CHEK1: variants seen among roughly 807,000 people sequenced by gnomAD.
CHEK1 encodes checkpoint kinase 1.
CHEK1 carries 32 observed loss-of-function variants against 60.2 expected under a neutral mutation model. The ratio of observed to expected loss-of-function variants is 0.53; its 90% confidence interval spans 0.40 to 0.71. The LOEUF is 0.71. CHEK1 is among the 30% of genes least tolerant of loss of function. The probability of loss-of-function intolerance (pLI) is 0.00; values close to 1 mark genes in which losing one functional copy is unlikely to be tolerated. For missense variants in CHEK1, 399 were observed against 564.6 expected (o/e 0.71, Z 2.97); for synonymous variants, 179 against 187.2 (o/e 0.96, Z 0.36).
intron 5 of CHEK1, 117 bp downstream of exon 5, chr11:125,629,577 C>T: frequency 1.4e-6 from 1 of 721,366 alleles, no homozygotes; most frequent in Admixed American, 3.2e-5. Flanking sequence ...TTTTGCATTA[C>T]TGGAATTTCA....
At chr11:125,666,058 T>C (rs1942093252) in intron 13 of CHEK1, among the ~76,000 whole-genome samples, 1 of 151,464 alleles carries the variant, frequency 6.6e-6, no homozygotes, top group Admixed American at 6.6e-5. Flanking sequence ...AAAAATTTGG[T>C]TCTTTGTTTT....
chr11:125,652,037 C>T (rs1941755733), intron 11 of CHEK1, among the ~76,000 whole-genome samples: 1 of 152,188 alleles, frequency 6.6e-6, no homozygotes, highest in Non-Finnish European at 1.5e-5. Flanking sequence ...TATTAATTTT[C>T]CCAGAACATA....
At chr11:125,657,794 T>C (rs147489732), downstream of CHEK1, among the ~76,000 whole-genome samples, 276 of 152,320 alleles carry the variant, frequency 1.8e-3, 3 homozygotes, top group African/African-American at 6.4e-3. Flanking sequence ...AGGACATTCT[T>C]GTACATGTTC....
At chr11:125,636,771 T>G (rs910157693) in intron 7 of CHEK1, among the ~76,000 whole-genome samples, 3 of 152,112 alleles carry the variant, frequency 2.0e-5, no homozygotes, top group African/African-American at 7.2e-5. Flanking sequence ...TACAAATACT[T>G]TTCACAATTT....
chr11:125,666,673 A>G lies in CHEK1; in HGVS notation c.*28-9255A>G, dbSNP rs1942105405. On this transcript the variant is annotated intron_variant, in intron 13 of 13. Coordinates refer to the CHEK1 transcript ENST00000428830. Reference sequence around the variant, plus strand: ...TATTTGCTTTATATATTTAGGTGCTATGGTGCTGGGTACATGTATATTTAC... The same window carrying G: ...TATTTGCTTTATATATTTAGGTGCTGTGGTGCTGGGTACATGTATATTTAC... 3.3e-5 allele frequency among the ~76,000 whole-genome samples: 5 copies of G among 152,226 alleles called. No homozygotes were observed. In the South Asian group the frequency reaches 6.2e-4, roughly 19 times the overall value.
rs1941887654 is a variant in CHEK1 at position 125,655,818 on chromosome 11, T to C, written c.*498T>C. On this transcript the variant is annotated 3_prime_UTR_variant, in exon 13 of 13. Coordinates refer to ENST00000438015, the MANE Select transcript of CHEK1 (RefSeq NM_001114122.3). ...AACATATCCCCAAGATTTGTACTTA[T>C]ATTTTCAAAAGGGCCTGGCCAGTTA... 1.4e-5 allele frequency: 3 copies of C among 214,246 alleles called. No homozygotes were observed. The highest frequency in any genetic ancestry group is 1.4e-4 in the East Asian group (2 of 14,274). 13.3% of individuals were successfully genotyped at this position (214,246 alleles called of 1,614,324 possible).
chr11:125,662,308 A>C (rs994427692), intron 13 of CHEK1, among the ~76,000 whole-genome samples: 6 of 152,192 alleles, frequency 3.9e-5, no homozygotes, highest in Admixed American at 3.9e-4. Context: ...GGGGCAAAGC[A>C]GCTCTTTAGG....
At chr11:125,680,600 TTTAGCTGCTC>T, downstream of CHEK1, 1 of 809,730 alleles carries the variant, frequency 1.2e-6, no homozygotes, top group South Asian at 1.7e-5. Context: ...GTTGGACTTG[TTTAGCTGCTC>T]TTGATTCTGA....
chr11:125,629,082 A>G, intron 3 of CHEK1, 150 bp from the exon 4 acceptor site: 4 of 672,882 alleles, frequency 5.9e-6, no homozygotes, highest in South Asian at 1.9e-5. Flanking sequence ...GTTAAGCCCC[A>G]TATGTGTTAG....
chr11:125,680,807 A>G (rs201868791), downstream of CHEK1: 113 of 1,597,604 alleles, frequency 7.1e-5, no homozygotes, highest in Middle Eastern at 1.7e-4. Flanking sequence ...AGGGGACCCC[A>G]GTGTGGGCCA....
intron 11 of CHEK1, among the ~76,000 whole-genome samples, chr11:125,647,049 A>T (rs1941531764): frequency 6.6e-6 from 1 of 152,130 alleles, no homozygotes; most frequent in Non-Finnish European, 1.5e-5. Context: ...CTGATGTAAG[A>T]TTGTAAAGAT....
downstream of CHEK1, among the ~76,000 whole-genome samples, chr11:125,657,918 T>G (rs1189654865): frequency 6.6e-6 from 1 of 152,238 alleles, no homozygotes; most frequent in Non-Finnish European, 1.5e-5. Flanking sequence ...GATTAGTGTT[T>G]CCATAGGAGA....
At chr11:125,628,760 T>A (rs1410015148) in intron 3 of CHEK1, among the ~76,000 whole-genome samples, 1 of 152,034 alleles carries the variant, frequency 6.6e-6, no homozygotes, top group Non-Finnish European at 1.5e-5. Context: ...CCAGCCTGGG[T>A]GAAAGAACAA....
chr11:125,681,077 A>AC (rs1333222918), downstream of CHEK1: 1 of 207,804 alleles, frequency 4.8e-6, no homozygotes, highest in Non-Finnish European at 9.5e-6. This position sits in a 1 kb window ranked among gnomAD's most constrained non-coding sequence, Gnocchi z 4.2. Context: ...AAAAAAAAAA[A>AC]AGTATTACCA....
At position 125,643,828 on chromosome 11, in the gene CHEK1, C is replaced by A; in HGVS notation, c.851C>A (p.Ser284Ter). Residue 284 changes from serine (S) to a stop codon, truncating the protein, a stop_gained, in exon 9 of 13, where the codon TCA becomes TAA. Coordinates refer to ENST00000438015, the MANE Select transcript of CHEK1 (RefSeq NM_001114122.3). LOFTEE classifies it high-confidence loss of function. ...KRPRVTSGGV[S>*]ESPSGFSKHI... Reference sequence around the variant, plus strand: ...CCCCGAGTCACTTCAGGTGGTGTGTCAGAGTCTCCCAGTGGATTTTCTAAG... The same window carrying A: ...CCCCGAGTCACTTCAGGTGGTGTGTAAGAGTCTCCCAGTGGATTTTCTAAG... The A allele has an allele frequency of 6.2e-7, 1 of 1,614,138 alleles. No individual in the cohort carries two copies.
intron 13 of CHEK1, among the ~76,000 whole-genome samples, chr11:125,662,730 G>A (rs1942039386): frequency 6.6e-6 from 1 of 152,088 alleles, no homozygotes; most frequent in Non-Finnish European, 1.5e-5. Flanking sequence ...TTATTTCTCT[G>A]GGATAAATGT....
intron 7 of CHEK1, 30 bp from the exon 8 acceptor site, chr11:125,637,419 C>A (rs752122701): frequency 1.3e-6 from 2 of 1,564,804 alleles, no homozygotes; most frequent in East Asian, 2.3e-5. Context: ...ATGATTCTTT[C>A]GTGAATGTTG....
intron 5 of CHEK1, among the ~76,000 whole-genome samples, chr11:125,630,221 TC>T (rs1382949875): frequency 2.0e-5 from 3 of 152,106 alleles, no homozygotes; most frequent in African/African-American, 7.2e-5. Flanking sequence ...AGGGTCAGAA[TC>T]AAAAAAGAAA....
At chr11:125,648,577 G>A (rs1320654980) in intron 11 of CHEK1, among the ~76,000 whole-genome samples, 4 of 146,158 alleles carry the variant, frequency 2.7e-5, no homozygotes, top group Non-Finnish European at 6.0e-5. Flanking sequence ...TCAAGACTCC[G>A]TCTCAAAAAA....
Sources: gnomAD v4.1 joint callset for allele counts (sites outside exome capture counted in the v4.1 genomes callset) on GRCh38, gnomAD v4.1.1 for gene constraint, Gnocchi (gnomAD v3.1) non-coding constraint, MANE v1.5 for transcripts, NCBI Gene and HGNC (gene_info 2026-07-23, HGNC 2026-07-21) for gene names.